Variants in DLG2 observed in about 807,000 individuals in gnomAD.
DLG2 encodes the protein discs large MAGUK scaffold protein 2.
Under a neutral mutation model 132.5 loss-of-function variants are expected in DLG2, and 45 were observed. The observed-to-expected ratio is 0.34, with a 90% CI of 0.27 to 0.44. The LOEUF is 0.44. Ranked by LOEUF, DLG2 falls within the 20% of genes least tolerant of loss-of-function variation. DLG2 has a pLI of 1.00. For missense variants in DLG2, 1,045 were observed against 1,196.9 expected, an observed-to-expected ratio of 0.87 and a Z score of 1.87; for synonymous variants, 424 against 419.6, an observed-to-expected ratio of 1.01 and a Z score of -0.13.
intron 7 of DLG2, among the ~76,000 whole-genome samples, chr11:84,401,741 G>A (rs376215703): frequency 1.2e-3 from 178 of 152,182 alleles, no homozygotes; most frequent in South Asian, 3.5e-3. Flanking sequence ...TTTTAGCAGC[G>A]ATGTCATCTT....
chr11:85,441,603 G>C (rs560468539), intron 3 of DLG2, among the ~76,000 whole-genome samples: 3 of 152,048 alleles, frequency 2.0e-5, no homozygotes, highest in African/African-American at 7.2e-5. Flanking sequence ...AATATACAAC[G>C]GTGAGCAAGG....
intron 6 of DLG2, among the ~76,000 whole-genome samples, chr11:84,764,359 G>A (rs533335863): frequency 6.6e-6 from 1 of 152,072 alleles, no homozygotes; most frequent in Non-Finnish European, 1.5e-5. Flanking sequence ...GTTTCCACTT[G>A]TATAAAGACT....
chr11:84,018,239 T>A (rs1189286527), intron 11 of DLG2, among the ~76,000 whole-genome samples: 2 of 151,994 alleles, frequency 1.3e-5, no homozygotes, highest in African/African-American at 4.8e-5. Context: ...CACTTTTCCT[T>A]AATCCATTTT....
At chr11:83,534,055 C>T (rs747374742) in intron 20 of DLG2, among the ~76,000 whole-genome samples, 21 of 152,072 alleles carry the variant, frequency 1.4e-4, no homozygotes, top group Non-Finnish European at 2.6e-4. Context: ...TGGGTGGACT[C>T]CCGCCTGTTT....
At chr11:84,704,085 G>A (rs1334723222) in intron 6 of DLG2, among the ~76,000 whole-genome samples, 1 of 150,976 alleles carries the variant, frequency 6.6e-6, no homozygotes, top group Non-Finnish European at 1.5e-5. Flanking sequence ...CTTACAATAT[G>A]TGTTTTAATA....
At chr11:84,693,371 G>A (rs2058260871) in intron 6 of DLG2, among the ~76,000 whole-genome samples, 1 of 151,682 alleles carries the variant, frequency 6.6e-6, no homozygotes, top group African/African-American at 2.4e-5. Flanking sequence ...GAGTTACCAG[G>A]ATATCCTGAA....
At chr11:83,689,001 A>C (rs144994983) in intron 18 of DLG2, among the ~76,000 whole-genome samples, 62 of 152,288 alleles carry the variant, frequency 4.1e-4, no homozygotes, top group African/African-American at 1.4e-3. Flanking sequence ...TGAATGCCAG[A>C]AGAACGATGT....
rs186916216 is a variant in DLG2, at chr11:83,469,167, T to C, written c.2619+34A>G. The C allele has an allele frequency of 1.8e-4, 266 of 1,508,258 alleles. No homozygotes were observed. In the African/African-American group the frequency reaches 3.6e-3, roughly 21 times the overall value. 93.4% of individuals were successfully genotyped at this position (1,508,258 alleles called of 1,614,324 possible). ...TGCAGTTTGCAACCTAGAAACCTTC[T>C]TCAGGGGAGGTGTAAGAAGATTGGT... On this transcript the variant is annotated intron_variant, in intron 25 of 27. Transcript: ENST00000376104.
chr11:85,235,322 G>T lies in DLG2; in HGVS notation c.186+49898C>A, dbSNP rs1197433701. On this transcript the variant is annotated intron_variant, in intron 4 of 27. Coordinates refer to ENST00000376104, the MANE Select transcript of DLG2 (RefSeq NM_001142699.3). ...TTAAGGTGGTAGGAAATACAGATGG[G>T]CTTATATTGGGATATTGTATGCCTA... Among the ~76,000 whole-genome samples, 3 of 151,858 alleles carry T rather than the reference G, an allele frequency of 2.0e-5. No individual in the cohort carries two copies. In the South Asian group the frequency reaches 6.2e-4, roughly 31 times the overall value.
intron 8 of DLG2, among the ~76,000 whole-genome samples, chr11:84,184,537 G>A (rs2096234517): frequency 6.6e-6 from 1 of 151,156 alleles, no homozygotes; most frequent in South Asian, 2.1e-4. Context: ...TCACTCTGAT[G>A]GTAGTTTCTT....
intron 6 of DLG2, among the ~76,000 whole-genome samples, chr11:85,016,711 A>G: frequency 6.6e-6 from 1 of 151,936 alleles, no homozygotes; most frequent in East Asian, 1.9e-4. Context: ...CCCTCAAAAA[A>G]CTTCTCAATC....
At chr11:84,106,982 GTGT>G (rs2092996137) in intron 9 of DLG2, among the ~76,000 whole-genome samples, 3 of 57,740 alleles carry the variant, frequency 5.2e-5, no homozygotes, top group Non-Finnish European at 1.6e-4. Flanking sequence ...GCCTTAGGGT[GTGT>G]GTGTGTGTGT....
At chr11:83,471,288 C>T (rs1397794748) in intron 24 of DLG2, among the ~76,000 whole-genome samples, 1 of 152,040 alleles carries the variant, frequency 6.6e-6, no homozygotes, top group Non-Finnish European at 1.5e-5. Context: ...AATAATGTTT[C>T]AGTGGCATTT....
intron 3 of DLG2, among the ~76,000 whole-genome samples, chr11:85,367,931 G>A (rs562837683): frequency 4.6e-5 from 7 of 151,970 alleles, no homozygotes; most frequent in Non-Finnish European, 8.8e-5. Flanking sequence ...TCTCTTATTA[G>A]TATTTTTAAA....
At chr11:85,362,055 G>A (rs1333114511) in intron 3 of DLG2, among the ~76,000 whole-genome samples, 2 of 152,024 alleles carry the variant, frequency 1.3e-5, no homozygotes, top group South Asian at 2.1e-4. Flanking sequence ...CTGCAGCCTC[G>A]ACCTCCCAGG....
At position 83,917,021 on chromosome 11, in the gene DLG2, A is replaced by G. The variant is rs370365270; in HGVS notation, c.1496+13307T>C. Among the ~76,000 whole-genome samples, 90 of 152,276 alleles carry G rather than the reference A, an allele frequency of 5.9e-4. 3 individuals carry two copies. The South Asian group carries it at 0.018, about 30-fold the overall frequency. On this transcript the variant is annotated intron_variant, in intron 15 of 27. Transcript: ENST00000376104. ...TCTGATTCAGGTCAAGCATTATATG[A>G]TTTAATAATACTAAGGGTCCTGAGG...
chr11:83,817,131 A>G (rs891728698), intron 17 of DLG2, among the ~76,000 whole-genome samples: 27 of 152,180 alleles, frequency 1.8e-4, no homozygotes, highest in Middle Eastern at 3.2e-3. Context: ...CTGGCTTACA[A>G]TAGAGTAAGG....
chr11:83,577,871 AT>A (rs1428506039), intron 19 of DLG2, among the ~76,000 whole-genome samples: 11 of 124,886 alleles, frequency 8.8e-5, no homozygotes, highest in Admixed American at 7.6e-4. Flanking sequence ...TATTATAAAT[AT>A]ATATAATATA....
At chr11:83,661,830 T>C (rs541791637) in intron 18 of DLG2, among the ~76,000 whole-genome samples, 4 of 152,134 alleles carry the variant, frequency 2.6e-5, no homozygotes, top group African/African-American at 4.8e-5. Context: ...TGACCTCCTA[T>C]TGGGGGCAGA....
Sources: gnomAD v4.1 joint callset for allele counts (sites outside exome capture counted in the v4.1 genomes callset) on GRCh38, gnomAD v4.1.1 for gene constraint, MANE v1.5 for transcripts, NCBI Gene and HGNC (gene_info 2026-07-23, HGNC 2026-07-21) for gene names.